Variants in ERI2 observed in about 807,000 individuals in gnomAD.
ERI2 encodes ERI1 exoribonuclease 2.
A neutral mutation model predicts 46.8 loss-of-function variants in ERI2; 35 were observed. The ratio of observed to expected loss-of-function variants is 0.75; its 90% CI spans 0.57 to 0.99. ERI2 has a LOEUF of 0.99. Ranked by LOEUF, ERI2 falls within the 50% of genes least tolerant of loss-of-function variation. ERI2 has a pLI of 0.00. For missense variants in ERI2, 695 were observed against 796.2 expected (o/e 0.87, Z 1.53); for synonymous variants, 224 against 271.0 (o/e 0.83, Z 1.70).
In ERI2 at chr16:20,806,472, C is replaced by T; in HGVS notation, c.-42G>A. 1.3e-6 allele frequency: 2 copies of T among 1,550,270 alleles called. No homozygotes were observed. The highest frequency in any genetic ancestry group is 1.7e-6 in the Non-Finnish European group (2 of 1,147,048). On this transcript the variant is annotated 5_prime_UTR_variant, in exon 1 of 9. Coordinates refer to ENST00000357967, the MANE Select transcript of ERI2 (RefSeq NM_001142725.2). ...TTTTCCAAGTCCAGCTGCCGGAAGTCGCTCGACTTCTACTTCCGGTCCGTT... is the reference window on the plus strand; with the variant it reads ...TTTTCCAAGTCCAGCTGCCGGAAGTTGCTCGACTTCTACTTCCGGTCCGTT...
rs763212120 is a variant in ERI2, at chr16:20,781,166, T to C, written c.895-432A>G. 8.7e-6 allele frequency: 14 copies of C among 1,609,164 alleles called. No individual in the cohort carries two copies. In the South Asian group the frequency reaches 8.9e-5, roughly 10 times the overall value. ...GCACAAAGAGGTCAATATTTAGAAA[T>C]GCATTAAGCAGTATGGCTGACAGAA... On this transcript the variant is annotated intron_variant, in intron 10 of 10. Transcript: ENST00000300005.
intron 5 of ERI2, 66 bp from the exon 6 acceptor site, chr16:20,800,468 C>G: frequency 1.1e-6 from 1 of 899,862 alleles, no homozygotes. Context: ...ATGCTGCCAC[C>G]ATTTACAAAT....
At chr16:20,804,615 G>A (rs538086900) in intron 1 of ERI2, among the ~76,000 whole-genome samples, 1 of 152,054 alleles carries the variant, frequency 6.6e-6, no homozygotes, top group Non-Finnish European at 1.5e-5. Context: ...GCAGTGAGCC[G>A]AGATCATGCC....
At chr16:20,795,434 A>G (rs1008908084), downstream of ERI2, among the ~76,000 whole-genome samples, 1 of 152,194 alleles carries the variant, frequency 6.6e-6, no homozygotes, top group Non-Finnish European at 1.5e-5. Flanking sequence ...TTTGTTTCTC[A>G]CCAAATGGCT....
At chr16:20,802,082 C>T (rs1244002913) in intron 4 of ERI2, among the ~76,000 whole-genome samples, 1 of 150,264 alleles carries the variant, frequency 6.7e-6, no homozygotes. Flanking sequence ...TGACTCACGC[C>T]TGTAATCCCA....
rs373178853 is a variant in ERI2, at chr16:20,790,660, G to A, written c.815+190C>T. On this transcript the variant is annotated intron_variant, in intron 9 of 10. Transcript: ENST00000300005. The surrounding 1 kb of genome is among the most constrained non-coding windows in gnomAD (Gnocchi z 4.0). ...ATTGGCATTCAAGTTCTACCCAACC[G>A]ACCATTTGGCCTTTTTACTCATTAC... 34 of 1,613,934 alleles carry A rather than the reference G, an allele frequency of 2.1e-5. No individual in the cohort carries two copies. The highest frequency in any genetic ancestry group is 2.8e-5 in the Non-Finnish European group (33 of 1,179,994).
downstream of ERI2, among the ~76,000 whole-genome samples, chr16:20,794,195 G>C (rs2080668961): frequency 6.6e-6 from 1 of 152,180 alleles, no homozygotes; most frequent in African/African-American, 2.4e-5. Flanking sequence ...GTCCTGCCAG[G>C]CAGGGTAATT....
downstream of ERI2, among the ~76,000 whole-genome samples, chr16:20,791,815 C>A (rs186409463): frequency 1.4e-4 from 21 of 151,980 alleles, no homozygotes; most frequent in African/African-American, 4.8e-4. Context: ...ATAGTCCCAG[C>A]TATTTGGAAG....
In ERI2 at chr16:20,790,850, C is replaced by G; in HGVS notation, c.815G>C (p.Gly272Ala). 1 of 1,613,792 alleles carries G rather than the reference C, an allele frequency of 6.2e-7. No individual in the cohort carries two copies. Among genetic ancestry groups the G allele is most frequent in the Middle Eastern group, 1.6e-4 (1 of 6,062 alleles). ...AAAAGACAAGAAATTGAAGAAATACCCAAATTCTTGCTGAAGAAAAGCATG... is the reference window on the plus strand; with the variant it reads ...AAAAGACAAGAAATTGAAGAAATACGCAAATTCTTGCTGAAGAAAAGCATG... The change falls in exon 9 of 11, where the codon GGC becomes GCC. Residue 272 changes from glycine to alanine, a missense_variant and splice_region_variant. Transcript: ENST00000300005. This position sits in a 1 kb window ranked among gnomAD's most constrained non-coding sequence, Gnocchi z 4.0.
At chr16:20,796,289 T>C, downstream of ERI2, 5 of 1,552,700 alleles carry the variant, frequency 3.2e-6, no homozygotes, top group Non-Finnish European at 2.6e-6. Context: ...GGCATGTAGA[T>C]TCTCAGAGCA....
chr16:20,800,390 C>A lies in ERI2; in HGVS notation c.473G>T (p.Gly158Val), dbSNP rs973932881. ...AFVTWSDWDLGVCLEYECKRK... is the reference protein window; with the variant it reads ...AFVTWSDWDLVVCLEYECKRK... ...TTTACACTCATACTCCAGGCAAACC[C>A]CCAAGTCCCAGTCTGCATTAGGTAC... The change falls in exon 6 of 9, where the codon GGG (glycine) becomes GTG (valine). Residue 158 changes from glycine to valine, a missense_variant. By Grantham distance (109) the Gly-to-Val change is moderately radical. Coordinates refer to ENST00000357967, the MANE Select transcript of ERI2 (RefSeq NM_001142725.2). 1 of 1,604,962 alleles carries A rather than the reference C, an allele frequency of 6.2e-7. No individual in the cohort carries two copies. Among genetic ancestry groups the A allele is most frequent in the Non-Finnish European group, 8.5e-7 (1 of 1,174,354 alleles).
At chr16:20,791,987 C>T (rs778889873), downstream of ERI2, 2 of 1,612,910 alleles carry the variant, frequency 1.2e-6, no homozygotes, top group Admixed American at 3.3e-5. Flanking sequence ...CAACAAAATG[C>T]TATTTGTTTT....
chr16:20,792,708 G>C (rs1246370403), downstream of ERI2: 1 of 985,308 alleles, frequency 1.0e-6, no homozygotes, highest in Non-Finnish European at 1.2e-6. Context: ...GAGGTCCCTG[G>C]TGTAGTGAAG....
At chr16:20,783,584 T>C (rs1244679302) in intron 10 of ERI2, 1 of 152,194 alleles carries the variant, frequency 6.6e-6, no homozygotes, top group Non-Finnish European at 1.5e-5. Context: ...TTATAGCTCA[T>C]ATCACAGGTA....
intron 4 of ERI2, among the ~76,000 whole-genome samples, chr16:20,801,738 G>T (rs2080797950): frequency 6.6e-6 from 1 of 151,966 alleles, no homozygotes; most frequent in African/African-American, 2.4e-5. Flanking sequence ...TTCTTCCTTT[G>T]CTGTGTATTT....
chr16:20,798,646 G>A lies in ERI2; in HGVS notation c.1154C>T (p.Pro385Leu). The change falls in exon 9 of 9, where the codon CCA becomes CTA. Residue 385 changes from proline to leucine, a missense_variant. Physicochemically the swap from Pro to Leu is moderately conservative, Grantham distance 98. Transcript: ENST00000357967. ...SELVLVSTTV[P>L]TVHHVSDLEM... ...CAAATCAGAAACATGATGAACAGTT[G>A]GAACGGTGGTAGAAACAAGTACCAA... 1 of 1,551,604 alleles carries A rather than the reference G, an allele frequency of 6.4e-7. No homozygotes were observed. Among genetic ancestry groups the A allele is most frequent in the Non-Finnish European group, 8.7e-7 (1 of 1,146,908 alleles).
In ERI2 at chr16:20,801,361, TGAGTA is replaced by T; in HGVS notation, c.304-7_304-3del. ...AGGGACTCCTTCATCAACTTGAGCC[TGAGTA>T]GAGAGTCACAAAAGCTGAATTCAAC... On this transcript the variant is annotated splice_polypyrimidine_tract_variant and splice_region_variant and intron_variant, in intron 4 of 8. Transcript: ENST00000357967. The T allele has an allele frequency of 1.9e-6, 3 of 1,584,882 alleles. No homozygotes were observed. The highest frequency in any genetic ancestry group is 2.6e-6 in the Non-Finnish European group (3 of 1,168,318).
Position 20,797,824 on chromosome 16 carries a change from C to A in ERI2, c.1976G>T (p.Gly659Val), listed in dbSNP as rs766493234. The A allele has an allele frequency of 2.4e-5, 37 of 1,551,288 alleles. No individual in the cohort carries two copies. The highest frequency in any genetic ancestry group is 3.3e-4 in the Middle Eastern group (2 of 6,014). The stretch of plus-strand genomic sequence containing the variant: ...TGTTTCTGGAGAACTAAAAGTGAGT[C>A]CCCCTGTGGAATGAGATGGAACCAT... ...NSMVPSHSTG[G>V]LTFSSPETSH... Residue 659 changes from glycine (G) to valine (V), a missense_variant, in exon 9 of 9, where the codon GGA becomes GTA. Coordinates refer to ENST00000357967, the MANE Select transcript of ERI2 (RefSeq NM_001142725.2).
chr16:20,797,701 T>C lies in ERI2; in HGVS notation c.*23A>G. ...CATGTTTGGAAATTCAAGGAACAATTAGGATTCATACATGAAAGGTTATCA... is the reference window on the plus strand; with the variant it reads ...CATGTTTGGAAATTCAAGGAACAATCAGGATTCATACATGAAAGGTTATCA... On this transcript the variant is annotated 3_prime_UTR_variant, in exon 9 of 9. Transcript: ENST00000357967. The C allele has an allele frequency of 6.7e-7, 1 of 1,503,428 alleles. No individual in the cohort carries two copies. The allele number at this position is 1,503,428 out of a possible 1,614,324, so 93.1% of individuals were successfully genotyped here. A position where few individuals can be genotyped will look rare whatever the true frequency, so the allele number is the denominator to read the frequency against.
Sources: allele counts gnomAD v4.1 joint callset (sites outside exome capture counted in the v4.1 genomes callset), GRCh38; gene constraint gnomAD v4.1.1; non-coding constraint Gnocchi (gnomAD v3.1); transcripts MANE v1.5; gene names NCBI Gene and HGNC (gene_info 2026-07-23, HGNC 2026-07-21).